The following LRP1B variants were observed in gnomAD, a reference collection of about 807,000 sequenced individuals.
LRP1B encodes the protein low-density lipoprotein receptor-related protein 1B.
LRP1B carries 217 observed loss-of-function variants against 556.6 expected under a neutral mutation model. The observed-to-expected ratio is 0.39, with a 90% CI of 0.35 to 0.44. The LOEUF is 0.44. Ranked by LOEUF, LRP1B falls within the 20% of genes least tolerant of loss-of-function variation. LRP1B has a pLI of 1.00. For synonymous variants in LRP1B, 2,047 were observed against 1,865.8 expected (o/e 1.10, Z -2.50); for missense variants, 5,053 against 5,620.8 (o/e 0.90, Z 3.23).
intron 86 of LRP1B, among the ~76,000 whole-genome samples, chr2:140,252,070 A>C (rs1367757527): frequency 6.7e-5 from 8 of 119,060 alleles, no homozygotes; most frequent in Non-Finnish European, 1.1e-4. Flanking sequence ...TGCAAAAAAA[A>C]AAAAAAAAAA....
chr2:140,329,392 C>A (rs1680672023), intron 79 of LRP1B, among the ~76,000 whole-genome samples: 1 of 151,988 alleles, frequency 6.6e-6, no homozygotes, highest in African/African-American at 2.4e-5. Flanking sequence ...AATTTCTTGC[C>A]AGGGCAATCA....
intron 7 of LRP1B, among the ~76,000 whole-genome samples, chr2:141,089,586 T>G (rs1700127501): frequency 6.6e-6 from 1 of 152,220 alleles, no homozygotes; most frequent in East Asian, 1.9e-4. Flanking sequence ...ATATTCTGAA[T>G]TGGATCTAGG....
intron 43 of LRP1B, among the ~76,000 whole-genome samples, chr2:140,587,866 A>G (rs1682049533): frequency 6.6e-6 from 1 of 152,136 alleles, no homozygotes; most frequent in Non-Finnish European, 1.5e-5. Flanking sequence ...CATGTTACAT[A>G]GAAGAAAACA....
intron 41 of LRP1B, among the ~76,000 whole-genome samples, chr2:140,609,045 G>T (rs1446731047): frequency 6.6e-6 from 1 of 152,154 alleles, no homozygotes; most frequent in Non-Finnish European, 1.5e-5. Flanking sequence ...ATATCATTGT[G>T]TCAGTCCTTC....
chr2:140,404,255 A>G (rs538787259), intron 66 of LRP1B, among the ~76,000 whole-genome samples: 2 of 145,246 alleles, frequency 1.4e-5, no homozygotes, highest in South Asian at 2.2e-4. Context: ...GCTCGCTGCA[A>G]TCTTTGCCTC....
chr2:141,679,321 A>G (rs1691020535), intron 2 of LRP1B, among the ~76,000 whole-genome samples: 1 of 152,214 alleles, frequency 6.6e-6, no homozygotes, highest in South Asian at 2.1e-4. Context: ...CGTAATCCAC[A>G]GAAACTGTAA....
At chr2:141,975,892 G>T (rs781781055) in intron 1 of LRP1B, among the ~76,000 whole-genome samples, 2 of 152,056 alleles carry the variant, frequency 1.3e-5, no homozygotes, top group Non-Finnish European at 2.9e-5. Flanking sequence ...CAGTGAGTCA[G>T]GATATAATGC....
At chr2:140,965,815 T>TC (rs1696195996) in intron 18 of LRP1B, among the ~76,000 whole-genome samples, 1 of 151,442 alleles carries the variant, frequency 6.6e-6, no homozygotes, top group African/African-American at 2.4e-5. Context: ...TTTTTTTTTT[T>TC]TTCCCTGCAA....
chr2:140,749,392 T>C (rs964075150), intron 35 of LRP1B, among the ~76,000 whole-genome samples: 1 of 151,472 alleles, frequency 6.6e-6, no homozygotes, highest in Non-Finnish European at 1.5e-5. Context: ...TTTTTACTCT[T>C]TTGTAAGAAT....
intron 21 of LRP1B, among the ~76,000 whole-genome samples, chr2:140,909,746 A>C (rs1022811014): frequency 2.0e-4 from 30 of 151,068 alleles, no homozygotes; most frequent in African/African-American, 7.2e-4. Context: ...AAATCAATTA[A>C]AATTACATAA....
chr2:140,291,320 T>TATATATATATATATATATTTA (rs745524571), intron 84 of LRP1B, among the ~76,000 whole-genome samples: 1 of 51,856 alleles, frequency 1.9e-5, no homozygotes, highest in East Asian at 7.1e-4. Context: ...ATATATATAT[T>TATATATATATATATATATTTA]TTTATTATAC....
chr2:141,032,963 C>T (rs1698420491), intron 11 of LRP1B, among the ~76,000 whole-genome samples: 1 of 151,728 alleles, frequency 6.6e-6, no homozygotes, highest in South Asian at 2.1e-4. Context: ...ACATGGGTGC[C>T]CCAACAAAAG....
At position 141,108,343 on chromosome 2, in the gene LRP1B, T is replaced by TTC. The variant is rs1352134122; in HGVS notation, c.1014-46071_1014-46070insGA. 4.6e-4 allele frequency among the ~76,000 whole-genome samples: 52 copies of TTC among 114,206 alleles called. 1 individual carries two copies. The highest frequency in any genetic ancestry group is 1.6e-3 in the African/African-American group (48 of 29,190). The allele number at this position is 114,206 out of a possible 152,430, so 74.9% of individuals were successfully genotyped here. A position where few individuals can be genotyped will look rare whatever the true frequency, so the allele number is the denominator to read the frequency against. Reference sequence around the variant, plus strand: ...TGTTTATAATCTGTTTCTTTTTTTTTTTTTTTTTTTTTTTTTTTTTTTGAG... The same window carrying TTC: ...TGTTTATAATCTGTTTCTTTTTTTTTTCTTTTTTTTTTTTTTTTTTTTTTGAG... On this transcript the variant is annotated intron_variant, in intron 7 of 90. Transcript: ENST00000389484.
At chr2:140,855,472 G>T (rs1692586766) in intron 27 of LRP1B, among the ~76,000 whole-genome samples, 1 of 88,398 alleles carries the variant, frequency 1.1e-5, no homozygotes, top group Admixed American at 1.3e-4. Flanking sequence ...AGGCAAGACA[G>T]GTAGGTCCCA....
At chr2:141,350,293 AAGGCCAGGGTT>A (rs1457738437) in intron 3 of LRP1B, among the ~76,000 whole-genome samples, 45 of 152,222 alleles carry the variant, frequency 3.0e-4, no homozygotes, top group African/African-American at 1.0e-3. Flanking sequence ...ACAAGTAGCA[AAGGCCAGGGTT>A]ACCAAAATGA....
chr2:140,268,125 A>G (rs1682293350), intron 86 of LRP1B, among the ~76,000 whole-genome samples: 1 of 152,024 alleles, frequency 6.6e-6, no homozygotes, highest in South Asian at 2.1e-4. Context: ...ACTGGGATTC[A>G]GGAGAAGCCT....
At position 140,323,929 on chromosome 2, in the gene LRP1B, CTTTTGT is replaced by C. The variant is rs759660191; in HGVS notation, c.12472_12477del (p.Thr4158_Lys4159del). ...TTATAACGATGAGATATCAAAACAC[CTTTTGT>C]TTTATCAATATTTAAAGCTAAGTAC... On this transcript the variant is annotated inframe_deletion, in exon 81 of 91. Transcript: ENST00000389484. 1 of 1,580,108 alleles carries C rather than the reference CTTTTGT, an allele frequency of 6.3e-7. No individual in the cohort carries two copies. Among genetic ancestry groups the C allele is most frequent in the African/African-American group, 1.4e-5 (1 of 74,060 alleles).
At chr2:140,412,064 C>G (rs1328172159) in intron 66 of LRP1B, among the ~76,000 whole-genome samples, 6 of 152,070 alleles carry the variant, frequency 3.9e-5, no homozygotes, top group Non-Finnish European at 8.8e-5. Flanking sequence ...TTCACTATGT[C>G]ACTTTCACCA....
chr2:141,962,331 C>T (rs932295368), intron 1 of LRP1B, among the ~76,000 whole-genome samples: 8 of 151,744 alleles, frequency 5.3e-5, no homozygotes, highest in African/African-American at 1.9e-4. Flanking sequence ...TTAACAAAGA[C>T]ATCTTTCATC....
Sources: gnomAD v4.1 joint callset for allele counts (sites outside exome capture counted in the v4.1 genomes callset) on GRCh38, gnomAD v4.1.1 for gene constraint, MANE v1.5 for transcripts, NCBI Gene and HGNC (gene_info 2026-07-23, HGNC 2026-07-21) for gene names.